Variants in EMID1 observed in about 807,000 individuals in gnomAD.
The protein encoded by EMID1 is EMI domain-containing protein 1.
EMID1 carries 40 observed loss-of-function variants against 60.6 expected under a neutral mutation model. The observed-to-expected ratio is 0.66, with a 90% CI of 0.51 to 0.86. The LOEUF is 0.86. EMID1 is among the 40% of genes least tolerant of loss of function. EMID1 has a pLI of 0.00. For synonymous variants in EMID1, 242 were observed against 231.0 expected (o/e 1.05, Z -0.43); for missense variants, 585 against 597.1 (o/e 0.98, Z 0.21).
chr22:29,206,454 G>A (rs1011961432), intron 1 of EMID1, among the ~76,000 whole-genome samples: 1 of 152,210 alleles, frequency 6.6e-6, no homozygotes, highest in Non-Finnish European at 1.5e-5. Flanking sequence ...CTGCACTTGG[G>A]AAAGGCCTAT....
intron 5 of EMID1, among the ~76,000 whole-genome samples, chr22:29,227,276 A>T (rs2040550536): frequency 6.6e-6 from 1 of 152,142 alleles, no homozygotes; most frequent in African/African-American, 2.4e-5. Flanking sequence ...TTTTTGGTAG[A>T]GATGGGGTTT....
intron 14 of EMID1, among the ~76,000 whole-genome samples, chr22:29,256,043 C>T (rs1303878022): frequency 1.3e-5 from 2 of 152,108 alleles, no homozygotes; most frequent in Non-Finnish European, 2.9e-5. Flanking sequence ...CTGTGGCTGG[C>T]CCTGAAGAAA....
chr22:29,244,553 C>G (rs1414041623), intron 13 of EMID1, among the ~76,000 whole-genome samples: 1 of 151,546 alleles, frequency 6.6e-6, no homozygotes, highest in Non-Finnish European at 1.5e-5. Flanking sequence ...GCAGGGGAAT[C>G]GCTTGAACCC....
intron 13 of EMID1, among the ~76,000 whole-genome samples, chr22:29,249,347 A>T (rs1228802057): frequency 2.6e-5 from 4 of 151,314 alleles, no homozygotes; most frequent in African/African-American, 9.7e-5. Context: ...GCTCACTACA[A>T]CCTCCGCCTT....
At chr22:29,234,526 C>G (rs2040873343) in intron 12 of EMID1, among the ~76,000 whole-genome samples, 177 bp downstream of exon 12, 1 of 152,196 alleles carries the variant, frequency 6.6e-6, no homozygotes, top group African/African-American at 2.4e-5. Context: ...GCCTCTGTCT[C>G]TCTCACTCTG....
chr22:29,227,394 C>CTT (rs76236151), intron 5 of EMID1, among the ~76,000 whole-genome samples: 5,810 of 144,874 alleles, frequency 0.04, 383 homozygotes, highest in African/African-American at 0.14. Flanking sequence ...TGCCATAAAA[C>CTT]TTTTTTTTTT....
intron 3 of EMID1, among the ~76,000 whole-genome samples, chr22:29,224,054 C>T (rs1235411455): frequency 6.6e-6 from 1 of 152,246 alleles, no homozygotes; most frequent in Non-Finnish European, 1.5e-5. Context: ...GAGATTAGCC[C>T]CCTGTGCCTG....
rs181047378 is a variant in EMID1, at chr22:29,250,225, C to T, written c.1120-3978C>T. Among the ~76,000 whole-genome samples the T allele has an allele frequency of 1.1e-4, 16 of 152,332 alleles. No individual in the cohort carries two copies. In the East Asian group the frequency reaches 2.7e-3, roughly 26 times the overall value. ...GAGCCATGATCATACCACTGCATTC[C>T]AGCCTGGGCAACAGAGCAAGACCTT... On this transcript the variant is annotated intron_variant, in intron 13 of 14. Transcript: ENST00000334018.
chr22:29,210,022 G>A (rs981625787), intron 1 of EMID1, among the ~76,000 whole-genome samples: 1 of 152,026 alleles, frequency 6.6e-6, no homozygotes, highest in Admixed American at 6.6e-5. Flanking sequence ...GGAGGAGCTC[G>A]GGCTGATGCT....
At chr22:29,231,766 G>GTCATCCTGGCC in intron 7 of EMID1, 84 bp downstream of exon 7, 1 of 1,317,136 alleles carries the variant, frequency 7.6e-7, no homozygotes, top group Non-Finnish European at 1.0e-6. Context: ...ACATGGCCAG[G>GTCATCCTGGCC]ATGACCTGGG....
In EMID1 at chr22:29,224,316, C is replaced by T. The variant is rs373736253; in HGVS notation, c.320-817C>T. Among the ~76,000 whole-genome samples the T allele has an allele frequency of 6.5e-3, 984 of 152,346 alleles. 10 individuals carry two copies. The highest frequency in any genetic ancestry group is 0.034 in the Middle Eastern group (10 of 294). On this transcript the variant is annotated intron_variant, in intron 3 of 14. Transcript: ENST00000334018. ...ACATTTCGTGGCCTTAAAAGGAAGGCCTGGGGGGCTGAGGGGGGCAGTTGC... is the reference window on the plus strand; with the variant it reads ...ACATTTCGTGGCCTTAAAAGGAAGGTCTGGGGGGCTGAGGGGGGCAGTTGC...
intron 4 of EMID1, among the ~76,000 whole-genome samples, chr22:29,226,195 T>C (rs549854945): frequency 6.6e-6 from 1 of 152,338 alleles, no homozygotes; most frequent in Admixed American, 6.5e-5. Context: ...TTGCCATTTC[T>C]TGGCTTCTGG....
At chr22:29,249,695 A>G (rs2041456270) in intron 13 of EMID1, among the ~76,000 whole-genome samples, 1 of 151,370 alleles carries the variant, frequency 6.6e-6, no homozygotes, top group Admixed American at 6.6e-5. Flanking sequence ...GCTCACTGCA[A>G]CCTCTGCCTC....
At chr22:29,230,020 TCTTCCAAACTTC>T (rs1382694010) in intron 5 of EMID1, among the ~76,000 whole-genome samples, 2 of 152,176 alleles carry the variant, frequency 1.3e-5, no homozygotes, top group Non-Finnish European at 1.5e-5. Context: ...CATGTCAGAC[TCTTCCAAACTTC>T]CTTCCAAATT....
chr22:29,216,102 G>GCCCCCCCA (rs2040072022), intron 3 of EMID1, among the ~76,000 whole-genome samples: 1 of 151,992 alleles, frequency 6.6e-6, no homozygotes, highest in South Asian at 2.1e-4. Flanking sequence ...TGCACTCCCC[G>GCCCCCCCA]CCCCCCCACC....
At chr22:29,211,468 G>A (rs751540188) in intron 1 of EMID1, among the ~76,000 whole-genome samples, 5 of 151,794 alleles carry the variant, frequency 3.3e-5, no homozygotes, top group Admixed American at 2.0e-4. Flanking sequence ...ACTGCAGTGC[G>A]TATTTGCCCT....
chr22:29,219,143 C>T (rs1215050833), intron 3 of EMID1, among the ~76,000 whole-genome samples: 2 of 152,120 alleles, frequency 1.3e-5, no homozygotes, highest in African/African-American at 2.4e-5. Flanking sequence ...GCTGAGGAGC[C>T]GAGCTCAAAC....
rs552682173 is a variant in EMID1 at position 29,234,292 on chromosome 22, C to T, written c.1030-13C>T. On this transcript the variant is annotated splice_polypyrimidine_tract_variant and intron_variant, in intron 11 of 14. Transcript: ENST00000334018. Reference sequence around the variant, plus strand: ...CAACAGCTGACGCCATTCGTCTCCTCCCTCTTACACAGGGACTGCGTGGGG... The same window carrying T: ...CAACAGCTGACGCCATTCGTCTCCTTCCTCTTACACAGGGACTGCGTGGGG... 8 of 1,613,882 alleles carry T rather than the reference C, an allele frequency of 5.0e-6. No individual in the cohort carries two copies. In the African/African-American group the frequency reaches 6.7e-5, roughly 13 times the overall value.
chr22:29,224,960 C>G (rs1462636649), intron 3 of EMID1, among the ~76,000 whole-genome samples, 173 bp from the exon 4 acceptor site: 1 of 152,228 alleles, frequency 6.6e-6, no homozygotes, highest in Non-Finnish European at 1.5e-5. Flanking sequence ...GCCAGCCTTG[C>G]TCTAGCTCAG....
Sources: allele counts gnomAD v4.1 joint callset (sites outside exome capture counted in the v4.1 genomes callset), GRCh38; gene constraint gnomAD v4.1.1; transcripts MANE v1.5; gene names NCBI Gene and HGNC (gene_info 2026-07-23, HGNC 2026-07-21).